Variants in ARVCF observed in about 807,000 individuals in gnomAD.
ARVCF encodes splicing regulator ARVCF.
ARVCF carries 66 observed loss-of-function variants against 90.9 expected under a neutral mutation model. The observed-to-expected ratio is 0.73, with a 90% CI of 0.60 to 0.89. The LOEUF (loss-of-function observed/expected upper bound fraction) is 0.89. Ranked by LOEUF, ARVCF falls within the 40% of genes least tolerant of loss-of-function variation. The probability of loss-of-function intolerance (pLI) is 0.00; values close to 1 mark genes in which losing one functional copy is unlikely to be tolerated. For synonymous variants in ARVCF, 653 were observed against 603.4 expected (o/e 1.08, Z -1.21); for missense variants, 1,469 against 1,382.3 (o/e 1.06, Z -1.00).
intron 3 of ARVCF, among the ~76,000 whole-genome samples, chr22:19,985,176 A>C (rs767387033): frequency 7.9e-5 from 12 of 152,038 alleles, no homozygotes; most frequent in African/African-American, 2.7e-4. Flanking sequence ...CTCCAGCCCA[A>C]TCCCACATGC....
chr22:19,981,981 C>T lies in ARVCF; in HGVS notation c.321G>A (p.Val107=), dbSNP rs767467789. The stretch of plus-strand genomic sequence containing the variant: ...TGCCATCTTCGGATGTGACAATAGA[C>T]ACATGGGAAGTGGGTGTGCCGGGGT... ...EEDPGTPTSH[V]SIVTSEDGTT... Residue 107 remains valine (V), a synonymous_variant, in exon 4 of 20, where the codon GTG becomes GTA. Transcript: ENST00000263207. The T allele has an allele frequency of 2.5e-6, 4 of 1,613,086 alleles. No homozygotes were observed. Among genetic ancestry groups the T allele is most frequent in the Non-Finnish European group, 3.4e-6 (4 of 1,179,960 alleles).
chr22:20,000,875 C>T (rs370420105), intron 2 of ARVCF, among the ~76,000 whole-genome samples: 1 of 152,328 alleles, frequency 6.6e-6, no homozygotes, highest in African/African-American at 2.4e-5. Flanking sequence ...TTGGACTTCC[C>T]AGCCTCCAGC....
intron 3 of ARVCF, chr22:19,983,719 G>A (rs1345968829): frequency 6.6e-6 from 1 of 152,338 alleles, no homozygotes; most frequent in East Asian, 1.9e-4. Context: ...CCCAGAGAAG[G>A]CAATCTGGCA....
chr22:19,979,197 T>C (rs1033428445), intron 6 of ARVCF, 117 bp from the exon 7 acceptor site: 5 of 1,162,952 alleles, frequency 4.3e-6, no homozygotes, highest in African/African-American at 3.1e-5. Context: ...TGCAGAACAG[T>C]AGGAAGTAAC....
chr22:19,986,119 A>G (rs1411845287), intron 3 of ARVCF, among the ~76,000 whole-genome samples: 1 of 152,206 alleles, frequency 6.6e-6, no homozygotes. Flanking sequence ...GGGGGAGCAA[A>G]CTTGGGGTGG....
At chr22:19,987,895 C>A (rs1357631981) in intron 3 of ARVCF, among the ~76,000 whole-genome samples, 2 of 152,192 alleles carry the variant, frequency 1.3e-5, no homozygotes, top group Admixed American at 1.3e-4. Context: ...ATGTGGGCCA[C>A]ACCCTAGGGA....
chr22:19,969,989 T>C lies in ARVCF; in HGVS notation c.*767A>G, dbSNP rs1942656151. ...GCTTATTTTTAATGCTTTTTCTCAG[T>C]GTTTTTCTTCTGTTTCTGAGTCACG... On this transcript the variant is annotated 3_prime_UTR_variant, in exon 20 of 20. Coordinates refer to ENST00000263207, the MANE Select transcript of ARVCF (RefSeq NM_001670.3). 1.0e-6 allele frequency: 1 copy of C among 985,546 alleles called. No individual in the cohort carries two copies. 61.1% of individuals were successfully genotyped at this position (985,546 alleles called of 1,614,324 possible). A position where few individuals can be genotyped will look rare whatever the true frequency, so the allele number is the denominator to read the frequency against.
chr22:20,011,570 G>C (rs532092694), intron 1 of ARVCF, among the ~76,000 whole-genome samples: 16 of 152,320 alleles, frequency 1.1e-4, no homozygotes, highest in African/African-American at 3.4e-4. Flanking sequence ...TGGGATCATG[G>C]GGGGTGGGAT....
rs1260029767 is a variant in ARVCF, at chr22:20,012,598, C to CT, written c.-72-2091dup. On this transcript the variant is annotated intron_variant, in intron 1 of 19. Transcript: ENST00000263207. ...CTCAAAGCGGGGGAATGACCACGCC[C>CT]TTTATTGGGCCCTTTTCCCAGTGAG... Among the ~76,000 whole-genome samples, 4 of 152,264 alleles carry CT rather than the reference C, an allele frequency of 2.6e-5. No individual in the cohort carries two copies. The East Asian group carries it at 5.8e-4, about 22-fold the overall frequency.
chr22:19,981,102 T>C, intron 5 of ARVCF, 109 bp downstream of exon 5: 3 of 1,357,956 alleles, frequency 2.2e-6, no homozygotes, highest in East Asian at 2.6e-5. Flanking sequence ...CAAACTAACA[T>C]GCATGACTAA....
chr22:19,968,577 C>T, downstream of ARVCF: 1 of 1,614,106 alleles, frequency 6.2e-7, no homozygotes, highest in Non-Finnish European at 8.5e-7. Context: ...TACTGGCTGA[C>T]AACGTGATCT....
At chr22:19,975,906 C>T (rs945292073) in intron 10 of ARVCF, 149 bp from the exon 11 acceptor site, 2 of 766,160 alleles carry the variant, frequency 2.6e-6, no homozygotes, top group Admixed American at 2.2e-5. Flanking sequence ...GCACCGTTGT[C>T]AGAGTTTGGG....
At chr22:19,969,770 T>C (rs1010103502), downstream of ARVCF, 29 of 927,234 alleles carry the variant, frequency 3.1e-5, no homozygotes, top group Admixed American at 1.2e-4. Context: ...ACAGAGCCTC[T>C]GCAGGACACA....
At chr22:19,981,794 G>T in intron 4 of ARVCF, 57 bp from the exon 5 acceptor site, 1 of 1,548,650 alleles carries the variant, frequency 6.5e-7, no homozygotes, top group East Asian at 2.3e-5. Context: ...AAACTGCTTT[G>T]CTGGGGTCTG....
intron 2 of ARVCF, among the ~76,000 whole-genome samples, chr22:19,994,374 G>A (rs554226663): frequency 2.8e-5 from 4 of 143,264 alleles, no homozygotes; most frequent in South Asian, 4.7e-4. Flanking sequence ...ATGGGTGGGT[G>A]GGGGGATGGT....
chr22:19,992,542 T>A (rs961988889), intron 2 of ARVCF, among the ~76,000 whole-genome samples: 1 of 152,146 alleles, frequency 6.6e-6, no homozygotes, highest in Non-Finnish European at 1.5e-5. Flanking sequence ...TGGTAGGGTA[T>A]TCCCCCTGGG....
rs374797711 is a variant in ARVCF, at chr22:19,981,313, G to A, written c.794C>T (p.Thr265Met). 7.8e-5 allele frequency: 124 copies of A among 1,599,506 alleles called. No individual in the cohort carries two copies. Among genetic ancestry groups the A allele is most frequent in the Non-Finnish European group, 9.7e-5 (114 of 1,174,374 alleles). ...CTCGTCATCAGCGGCCAGGCTGCGC[G>A]TGTCATCCTCCAAGCCATACGGCTC... Reference protein sequence around the residue: ...QAEPYGLEDDTRSLAADDEGG... With the variant: ...QAEPYGLEDDMRSLAADDEGG... Residue 265 changes from threonine (T) to methionine (M), a missense_variant, in exon 5 of 20, where the codon ACG (threonine) becomes ATG (methionine). Thr to Met is a moderately conservative substitution (Grantham distance 81, BLOSUM62 -1). Transcript: ENST00000263207.
intron 3 of ARVCF, among the ~76,000 whole-genome samples, chr22:19,985,685 C>T (rs573303400): frequency 6.6e-6 from 1 of 151,928 alleles, no homozygotes; most frequent in South Asian, 2.1e-4. Flanking sequence ...TCCCATATTA[C>T]TTATCTACCC....
intron 2 of ARVCF, among the ~76,000 whole-genome samples, chr22:19,998,247 T>C (rs1944325146): frequency 6.6e-6 from 1 of 152,156 alleles, no homozygotes; most frequent in Non-Finnish European, 1.5e-5. Flanking sequence ...CTTTCCCCCC[T>C]CATTGGAAGA....
Sources: allele counts gnomAD v4.1 joint callset (sites outside exome capture counted in the v4.1 genomes callset), GRCh38; gene constraint gnomAD v4.1.1; transcripts MANE v1.5; gene names NCBI Gene and HGNC (gene_info 2026-07-23, HGNC 2026-07-21).